TUSC3: variants seen among roughly 807,000 people sequenced by gnomAD.
The protein encoded by TUSC3 is tumor suppressor candidate 3, also known as dolichyl-diphosphooligosaccharide--protein glycosyltransferase subunit TUSC3.
TUSC3 carries 45 observed loss-of-function variants against 44.8 expected under a neutral mutation model. The observed-to-expected ratio is 1.00, with a 90% CI of 0.79 to 1.29. The LOEUF (loss-of-function observed/expected upper bound fraction) is 1.29, where lower values mean the gene tolerates loss of function less well. Among genes scored for constraint, TUSC3 ranks in the 50% most tolerant of loss-of-function variants. The probability of loss-of-function intolerance (pLI) is 0.00; values close to 1 mark genes in which losing one functional copy is unlikely to be tolerated. For missense variants in TUSC3, 519 were observed against 437.9 expected, an observed-to-expected ratio of 1.19 and a Z score of -1.65; for synonymous variants, 212 against 152.9, an observed-to-expected ratio of 1.39 and a Z score of -2.85.
At chr8:15,502,609 G>C (rs978984949) in intron 2 of TUSC3, among the ~76,000 whole-genome samples, 1 of 152,192 alleles carries the variant, frequency 6.6e-6, no homozygotes, top group Non-Finnish European at 1.5e-5. Context: ...TCCTGTCTCA[G>C]CCTCCCAAGT....
At chr8:15,488,499 C>G (rs745862802) in intron 2 of TUSC3, among the ~76,000 whole-genome samples, 1 of 152,064 alleles carries the variant, frequency 6.6e-6, no homozygotes, top group Non-Finnish European at 1.5e-5. Flanking sequence ...AAGACCCTCT[C>G]TCAAAAATAA....
At chr8:15,758,716 C>T (rs915324090) in intron 10 of TUSC3, among the ~76,000 whole-genome samples, 2 of 151,862 alleles carry the variant, frequency 1.3e-5, no homozygotes, top group Admixed American at 1.3e-4. Flanking sequence ...TATTGTTCTT[C>T]TCCCCCCAGA....
At chr8:15,796,153 G>A in the TUSC3 span, among the ~76,000 whole-genome samples, 1 of 152,136 alleles carries the variant, frequency 6.6e-6, no homozygotes, top group Non-Finnish European at 1.5e-5. Flanking sequence ...TCCAGTCTAT[G>A]TCGGTGGATA....
the TUSC3 span, among the ~76,000 whole-genome samples, chr8:15,833,009 A>AAAATTGATC: frequency 2.0e-5 from 3 of 152,186 alleles, no homozygotes; most frequent in Non-Finnish European, 4.4e-5. Flanking sequence ...CACTTACTCT[A>AAAATTGATC]AAATTGATCA....
At chr8:15,447,757 A>G (rs1392165335) in intron 1 of TUSC3, among the ~76,000 whole-genome samples, 1 of 151,262 alleles carries the variant, frequency 6.6e-6, no homozygotes, top group Non-Finnish European at 1.5e-5. Flanking sequence ...ACCTCTCTGT[A>G]GGAAATCAAG....
the TUSC3 span, among the ~76,000 whole-genome samples, chr8:15,776,248 T>C: frequency 6.6e-6 from 1 of 152,136 alleles, no homozygotes; most frequent in Non-Finnish European, 1.5e-5. Context: ...CCTATAAACA[T>C]GTAATGAAAA....
chr8:15,440,491 A>T (rs1002645340), intron 1 of TUSC3, among the ~76,000 whole-genome samples: 1 of 152,182 alleles, frequency 6.6e-6, no homozygotes, highest in Non-Finnish European at 1.5e-5. Flanking sequence ...TATTGTAACA[A>T]ATCTCACTGA....
chr8:15,713,151 T>C (rs1200788226), intron 6 of TUSC3, among the ~76,000 whole-genome samples: 1 of 152,176 alleles, frequency 6.6e-6, no homozygotes, highest in Non-Finnish European at 1.5e-5. Flanking sequence ...TACATAACTA[T>C]ATAAAAGAAA....
intron 1 of TUSC3, among the ~76,000 whole-genome samples, chr8:15,446,186 C>T (rs1011851308): frequency 2.7e-5 from 4 of 150,734 alleles, no homozygotes; most frequent in South Asian, 2.1e-4. Flanking sequence ...GGGGCAGAGG[C>T]GCTCCCCACA....
At chr8:15,645,427 A>G (rs936534297) in intron 2 of TUSC3, among the ~76,000 whole-genome samples, 2 of 150,718 alleles carry the variant, frequency 1.3e-5, no homozygotes, top group Non-Finnish European at 1.5e-5. Context: ...TTATTTTCCA[A>G]TTTTTTTTTA....
intron 1 of TUSC3, among the ~76,000 whole-genome samples, chr8:15,433,333 T>A (rs73189476): frequency 0.16 from 25,061 of 152,104 alleles, 2,128 homozygotes; most frequent in Middle Eastern, 0.23. Flanking sequence ...TCAGTGAGTG[T>A]CAATATGTCT....
intron 1 of TUSC3, among the ~76,000 whole-genome samples, chr8:15,482,609 T>G (rs1471685382): frequency 6.6e-6 from 1 of 152,222 alleles, no homozygotes; most frequent in African/African-American, 2.4e-5. Flanking sequence ...GTTGTTTTCA[T>G]GCCTGCAAAC....
chr8:15,599,924 C>CT (rs1230884776), intron 1 of TUSC3, among the ~76,000 whole-genome samples: 1 of 151,618 alleles, frequency 6.6e-6, no homozygotes, highest in Non-Finnish European at 1.5e-5. Flanking sequence ...TAAACTTTGT[C>CT]TATCATCACT....
At chr8:15,447,210 A>T (rs1000723646) in intron 1 of TUSC3, among the ~76,000 whole-genome samples, 10 of 152,208 alleles carry the variant, frequency 6.6e-5, no homozygotes, top group Non-Finnish European at 8.8e-5. Context: ...CAAAAATCCC[A>T]GAAACAACTA....
intron 8 of TUSC3, among the ~76,000 whole-genome samples, chr8:15,745,502 GGAGT>G (rs1382013078): frequency 1.3e-5 from 2 of 152,032 alleles, no homozygotes; most frequent in Non-Finnish European, 2.9e-5. Flanking sequence ...CATTCTGACT[GGAGT>G]GAGATGGTAT....
chr8:15,486,676 C>G (rs760732873), intron 2 of TUSC3, among the ~76,000 whole-genome samples: 20 of 152,260 alleles, frequency 1.3e-4, no homozygotes, highest in Non-Finnish European at 2.2e-4. Flanking sequence ...AGCTCCTGAC[C>G]TCGTGATTCA....
In TUSC3 at chr8:15,662,333, C is replaced by G. The variant is rs191160023; in HGVS notation, c.708+37C>G. ...CATTGTGCTTTTTTTATTTCCTGTT[C>G]TTTGTGTAATAATATAAGTTGTATA... On this transcript the variant is annotated intron_variant, in intron 5 of 10. Coordinates refer to ENST00000503731, the MANE Select transcript of TUSC3 (RefSeq NM_006765.4). 12 of 1,610,564 alleles carry G rather than the reference C, an allele frequency of 7.5e-6. No individual in the cohort carries two copies. In the African/African-American group the frequency reaches 9.4e-5, roughly 13 times the overall value.
chr8:15,789,931 A>G, the TUSC3 span, among the ~76,000 whole-genome samples: 1 of 152,142 alleles, frequency 6.6e-6, no homozygotes, highest in Non-Finnish European at 1.5e-5. Context: ...GAAAGAATTA[A>G]AAGTGAGCTG....
chr8:15,485,359 G>A (rs1251808286), intron 2 of TUSC3, among the ~76,000 whole-genome samples: 1 of 151,950 alleles, frequency 6.6e-6, no homozygotes, highest in Non-Finnish European at 1.5e-5. Context: ...ATCTTTATTG[G>A]CCATTGACTA....
Sources: allele counts gnomAD v4.1 joint callset (sites outside exome capture counted in the v4.1 genomes callset), GRCh38; gene constraint gnomAD v4.1.1; transcripts MANE v1.5; gene names NCBI Gene and HGNC (gene_info 2026-07-23, HGNC 2026-07-21).